PCSK5: variants seen among roughly 807,000 people sequenced by gnomAD.
The protein encoded by PCSK5 is proprotein convertase subtilisin/kexin type 5.
A neutral mutation model predicts 233.2 loss-of-function variants in PCSK5; 129 were observed. The observed-to-expected ratio is 0.55, with a 90% CI of 0.48 to 0.64. The LOEUF is 0.64. PCSK5 is among the 30% of genes least tolerant of loss of function. PCSK5 has a pLI of 0.00. For synonymous variants in PCSK5, 825 were observed against 879.2 expected (o/e 0.94, Z 1.09); for missense variants, 2,076 against 2,430.1 (o/e 0.85, Z 3.06).
At chr9:76,293,355 G>A (rs1587842706) in intron 25 of PCSK5, among the ~76,000 whole-genome samples, 1 of 152,146 alleles carries the variant, frequency 6.6e-6, no homozygotes, top group Non-Finnish European at 1.5e-5. Flanking sequence ...TTAGCCTTAC[G>A]GTTTTAATCT....
At chr9:76,107,390 C>A in intron 9 of PCSK5, 39 bp downstream of exon 9, 2 of 1,370,354 alleles carry the variant, frequency 1.5e-6, no homozygotes, top group African/African-American at 2.9e-5. Flanking sequence ...TGGTGACAAC[C>A]CCTGATCTCA....
At chr9:76,086,645 A>G (rs1322081794) in intron 7 of PCSK5, among the ~76,000 whole-genome samples, 1 of 152,176 alleles carries the variant, frequency 6.6e-6, no homozygotes, top group East Asian at 1.9e-4. Context: ...CGAATCCACT[A>G]TTGTTAAGCA....
chr9:76,217,547 C>T (rs1825581142), intron 20 of PCSK5, among the ~76,000 whole-genome samples: 1 of 152,162 alleles, frequency 6.6e-6, no homozygotes, highest in South Asian at 2.1e-4. Context: ...ATGGAACTTG[C>T]CCAAGGTTAC....
chr9:76,061,490 A>G (rs1226304063), intron 5 of PCSK5, among the ~76,000 whole-genome samples: 2 of 152,192 alleles, frequency 1.3e-5, no homozygotes. Flanking sequence ...GCATTAATTA[A>G]TAATAGATAC....
chr9:75,951,939 C>G (rs1463276645), intron 2 of PCSK5, among the ~76,000 whole-genome samples: 1 of 152,064 alleles, frequency 6.6e-6, no homozygotes, highest in Non-Finnish European at 1.5e-5. Flanking sequence ...TATTTTAATT[C>G]TTTAGAACTG....
At chr9:76,027,335 A>G (rs1039706387) in intron 5 of PCSK5, among the ~76,000 whole-genome samples, 1 of 152,092 alleles carries the variant, frequency 6.6e-6, no homozygotes. Flanking sequence ...GTTTAGGGAC[A>G]GGGGTGGTGA....
At chr9:76,284,814 G>A (rs1218274304) in intron 24 of PCSK5, among the ~76,000 whole-genome samples, 2 of 152,104 alleles carry the variant, frequency 1.3e-5, no homozygotes, top group South Asian at 2.1e-4. Context: ...TTACAGGCTT[G>A]AGCCACTGCG....
intron 11 of PCSK5, among the ~76,000 whole-genome samples, 170 bp downstream of exon 11, chr9:76,157,332 C>T (rs561717313): frequency 3.3e-5 from 5 of 152,202 alleles, no homozygotes; most frequent in Admixed American, 1.3e-4. Context: ...CGGTTAAATT[C>T]GTACTAGTAT....
chr9:75,998,404 T>C (rs1451589699), intron 3 of PCSK5, among the ~76,000 whole-genome samples: 3 of 152,160 alleles, frequency 2.0e-5, no homozygotes, highest in African/African-American at 7.2e-5. Flanking sequence ...TTGAATCAGG[T>C]GGTCTTTAAG....
At chr9:75,982,749 C>CTT (rs528976970) in intron 2 of PCSK5, among the ~76,000 whole-genome samples, 16 of 100,776 alleles carry the variant, frequency 1.6e-4, no homozygotes, top group Admixed American at 2.9e-4. Flanking sequence ...CCCTGTGGTG[C>CTT]TTTTTTTTTT....
At chr9:75,910,493 C>A (rs1366897193) in intron 1 of PCSK5, among the ~76,000 whole-genome samples, 2 of 152,146 alleles carry the variant, frequency 1.3e-5, no homozygotes, top group Non-Finnish European at 2.9e-5. Flanking sequence ...TATTTATTGA[C>A]CTTGCCGGTT....
Position 76,269,667 on chromosome 9 carries a change from T to C in PCSK5, c.3143-22566T>C, listed in dbSNP as rs370158572. Among the ~76,000 whole-genome samples, 9 of 152,234 alleles carry C rather than the reference T, an allele frequency of 5.9e-5. No individual in the cohort carries two copies. The East Asian group carries it at 7.7e-4, about 13-fold the overall frequency. On this transcript the variant is annotated intron_variant, in intron 24 of 37. Transcript: ENST00000674117. ...GCTGTAAGCAATAAAAGCACAGAAG[T>C]AGAGAGAAGTAACCAAAACATACCT...
At chr9:76,284,535 CTTT>C (rs759060126) in intron 24 of PCSK5, among the ~76,000 whole-genome samples, 4 of 104,354 alleles carry the variant, frequency 3.8e-5, no homozygotes, top group South Asian at 3.2e-4. Flanking sequence ...TTTTTTTTGT[CTTT>C]TTTTTTTTTT....
In PCSK5 at chr9:76,180,104, T is replaced by TACAC. The variant is rs1554701032; in HGVS notation, c.2003+416_2003+419dup. Among the ~76,000 whole-genome samples the TACAC allele has an allele frequency of 5.4e-4, 78 of 144,936 alleles. 1 individual carries two copies. In the South Asian group the frequency reaches 9.5e-3, roughly 18 times the overall value. On this transcript the variant is annotated intron_variant, in intron 15 of 37. Coordinates refer to ENST00000674117, the MANE Select transcript of PCSK5 (RefSeq NM_001372043.1). ...GTGTGTGTGTATATATATATATATA[T>TACAC]ACACACACACACATATACATACGTA... is the stretch of plus-strand genomic sequence containing the variant.
chr9:76,233,723 G>A lies in PCSK5; in HGVS notation c.2866+127G>A, dbSNP rs1030516681. 14 of 825,148 alleles carry A rather than the reference G, an allele frequency of 1.7e-5. No homozygotes were observed. In the East Asian group the frequency reaches 3.0e-4, roughly 17 times the overall value. The allele number at this position is 825,148 out of a possible 1,614,324, so 51.1% of individuals were successfully genotyped here. On this transcript the variant is annotated intron_variant, in intron 22 of 37. Transcript: ENST00000674117. Reference sequence around the variant, plus strand: ...GTTAAGATCAGACAGCTGTTCACTGGAGAGCGTGTACAACCTTGAACTTTC... The same window carrying A: ...GTTAAGATCAGACAGCTGTTCACTGAAGAGCGTGTACAACCTTGAACTTTC...
chr9:76,169,641 G>A, intron 12 of PCSK5, 63 bp from the exon 13 acceptor site: 2 of 1,534,500 alleles, frequency 1.3e-6, no homozygotes, highest in South Asian at 1.2e-5. Context: ...GTCGATTGTG[G>A]TATTAACTAG....
chr9:76,115,123 AC>A (rs1395844539), intron 9 of PCSK5, among the ~76,000 whole-genome samples: 3 of 152,160 alleles, frequency 2.0e-5, no homozygotes, highest in Non-Finnish European at 4.4e-5. Flanking sequence ...GGAAATAGAT[AC>A]CCTTTATTCT....
At chr9:76,232,594 C>G (rs1403011725) in intron 21 of PCSK5, among the ~76,000 whole-genome samples, 1 of 152,078 alleles carries the variant, frequency 6.6e-6, no homozygotes, top group Non-Finnish European at 1.5e-5. Flanking sequence ...GTGTGCAGCC[C>G]CCAGCTCACT....
chr9:76,035,058 G>T (rs1277048463), intron 5 of PCSK5, among the ~76,000 whole-genome samples: 1 of 152,110 alleles, frequency 6.6e-6, no homozygotes, highest in Non-Finnish European at 1.5e-5. Context: ...CTTCCCATTG[G>T]GTTTGGGAAG....
Sources: gnomAD v4.1 joint callset for allele counts (sites outside exome capture counted in the v4.1 genomes callset) on GRCh38, gnomAD v4.1.1 for gene constraint, MANE v1.5 for transcripts, NCBI Gene and HGNC (gene_info 2026-07-23, HGNC 2026-07-21) for gene names.